Variants in DOCK3 observed in about 807,000 individuals in gnomAD.
DOCK3 encodes dedicator of cytokinesis 3, also known as dedicator of cytokinesis protein 3.
A neutral mutation model predicts 265.6 loss-of-function variants in DOCK3; 60 were observed. The observed-to-expected ratio is 0.23, with a 90% CI of 0.18 to 0.28. The LOEUF is 0.28. DOCK3 is among the 10% of genes least tolerant of loss of function. The probability of loss-of-function intolerance (pLI) is 1.00; values close to 1 mark genes in which losing one functional copy is unlikely to be tolerated. For missense variants in DOCK3, 1,981 were observed against 2,594.3 expected, an observed-to-expected ratio of 0.76 and a Z score of 5.14; for synonymous variants, 881 against 938.0, an observed-to-expected ratio of 0.94 and a Z score of 1.11.
chr3:51,290,417 C>G (rs1463016576), intron 27 of DOCK3, among the ~76,000 whole-genome samples: 4 of 152,070 alleles, frequency 2.6e-5, no homozygotes, highest in Non-Finnish European at 4.4e-5. Flanking sequence ...CCATCATTCT[C>G]AGCAAACTAT....
rs762181277 is a variant in DOCK3 at position 51,356,214 on chromosome 3, C to A, written c.4375C>A (p.Pro1459Thr). The A allele has an allele frequency of 6.2e-7, 1 of 1,613,970 alleles. No homozygotes were observed. Among genetic ancestry groups the A allele is most frequent in the Non-Finnish European group, 8.5e-7 (1 of 1,179,882 alleles). Residue 1459 changes from proline (P) to threonine (T), a missense_variant, in exon 42 of 53, where the codon CCT becomes ACT. Around this residue, in one of 4 missense-constraint regions of DOCK3, gnomAD observed 1,357 missense variants for 1,866.8 expected, o/e 0.73. Transcript: ENST00000266037. The part of the protein sequence containing the change: ...NNVRKFRYDR[P>T]FHKGPKDKEN... ...TGTGAGGAAGTTCCGGTATGACAGG[C>A]CTTTTCACAAAGGCCCCAAGGACAA... is the stretch of plus-strand genomic sequence containing the variant.
chr3:51,323,700 T>G (rs1379850177), intron 32 of DOCK3, among the ~76,000 whole-genome samples: 3 of 151,968 alleles, frequency 2.0e-5, no homozygotes, highest in African/African-American at 4.8e-5. Flanking sequence ...TAGAGGGAAA[T>G]TTATAGCACT....
Position 51,160,549 on chromosome 3 carries a change from C to T in DOCK3, c.890-6C>T. 1 of 1,604,988 alleles carries T rather than the reference C, an allele frequency of 6.2e-7. No homozygotes were observed. The highest frequency in any genetic ancestry group is 1.7e-5 in the Admixed American group (1 of 57,914). On this transcript the variant is annotated splice_region_variant and splice_polypyrimidine_tract_variant and intron_variant, in intron 11 of 52. Transcript: ENST00000266037. ...AGTCTGACTGGTGTTTTCTGCTGTG[C>T]CCAAGGCCGGATGCTCCTGAACGAC...
At chr3:50,773,310 T>C (rs752912631) in intron 1 of DOCK3, among the ~76,000 whole-genome samples, 5 of 152,150 alleles carry the variant, frequency 3.3e-5, no homozygotes, top group Non-Finnish European at 5.9e-5. Flanking sequence ...CCCTTAAATG[T>C]AAGACCTGAA....
intron 49 of DOCK3, among the ~76,000 whole-genome samples, chr3:51,366,440 G>C (rs2087177934): frequency 6.6e-6 from 1 of 152,086 alleles, no homozygotes; most frequent in Admixed American, 6.6e-5. Context: ...AAAAAAACCA[G>C]CTCCTGGATT....
intron 9 of DOCK3, among the ~76,000 whole-genome samples, chr3:51,104,717 C>G (rs1392364088): frequency 6.6e-6 from 1 of 152,050 alleles, no homozygotes; most frequent in African/African-American, 2.4e-5. Flanking sequence ...AATATATAAA[C>G]AACAATGAAG....
chr3:51,335,264 AAAAG>A (rs2084785463), intron 35 of DOCK3, among the ~76,000 whole-genome samples: 1 of 152,108 alleles, frequency 6.6e-6, no homozygotes, highest in Non-Finnish European at 1.5e-5. Context: ...AAGCCAAAAA[AAAAG>A]AAGAAGAAGT....
chr3:51,123,915 C>T (rs2084149050), intron 9 of DOCK3, among the ~76,000 whole-genome samples: 1 of 152,202 alleles, frequency 6.6e-6, no homozygotes, highest in African/African-American at 2.4e-5. Context: ...AAATAGCAGT[C>T]TCAGGCCTGC....
intron 3 of DOCK3, among the ~76,000 whole-genome samples, chr3:50,888,264 C>T (rs1368570118): frequency 5.9e-5 from 9 of 151,902 alleles, no homozygotes; most frequent in Admixed American, 4.6e-4. Flanking sequence ...TTCACAATTG[C>T]GTCAAAGAGA....
chr3:50,784,892 C>T (rs1009227005), intron 2 of DOCK3, among the ~76,000 whole-genome samples: 2 of 152,224 alleles, frequency 1.3e-5, no homozygotes, highest in East Asian at 1.9e-4. Flanking sequence ...CACGGTGGCT[C>T]ACGCCTATAA....
intron 9 of DOCK3, among the ~76,000 whole-genome samples, chr3:51,144,978 G>T (rs557534273): frequency 2.0e-5 from 3 of 152,176 alleles, no homozygotes; most frequent in African/African-American, 4.8e-5. Flanking sequence ...GAGATTCTGC[G>T]CAGGGGCAGG....
At chr3:51,375,930 A>G in intron 51 of DOCK3, 95 bp downstream of exon 51, 1 of 1,257,228 alleles carries the variant, frequency 8.0e-7, no homozygotes, top group South Asian at 1.2e-5. Flanking sequence ...GCTAAGCCAT[A>G]CTTCAACACT....
chr3:51,016,627 AAT>A lies in DOCK3; in HGVS notation c.316-47814_316-47813del, dbSNP rs1157703084. 4.7e-3 allele frequency among the ~76,000 whole-genome samples: 165 copies of A among 35,448 alleles called. 2 individuals carry two copies. Among genetic ancestry groups the A allele is most frequent in the African/African-American group, 0.018 (158 of 8,834 alleles). 23.3% of individuals were successfully genotyped at this position (35,448 alleles called of 152,430 possible). ...ATATATATTATATATTTATATATAT[AAT>A]ATATATGATATATATTTATATGTTT... On this transcript the variant is annotated intron_variant, in intron 5 of 52. Coordinates refer to ENST00000266037, the MANE Select transcript of DOCK3 (RefSeq NM_004947.5).
chr3:51,022,833 T>C (rs9284889), intron 5 of DOCK3, among the ~76,000 whole-genome samples: 152,063 of 152,338 alleles, frequency 1, 75,894 homozygotes, highest in Middle Eastern at 1. Flanking sequence ...TTTAAGTTTT[T>C]AATCTACCTT....
At chr3:51,178,181 A>G (rs764304841) in intron 12 of DOCK3, among the ~76,000 whole-genome samples, 2 of 152,228 alleles carry the variant, frequency 1.3e-5, no homozygotes, top group African/African-American at 2.4e-5. Context: ...AAAATAAAGT[A>G]TAAGGTGAAA....
At position 50,976,549 on chromosome 3, in the gene DOCK3, A is replaced by T. The variant is rs1332532254; in HGVS notation, c.315+42472A>T. On this transcript the variant is annotated intron_variant, in intron 5 of 52. Transcript: ENST00000266037. The stretch of plus-strand genomic sequence containing the variant: ...CTGTTCTTTTACATTTGCTGAGGAG[A>T]GCTTTACTTCCAAGTATTTGGTCAA... 6.1e-4 allele frequency among the ~76,000 whole-genome samples: 79 copies of T among 129,810 alleles called. 4 individuals carry two copies. The East Asian group carries it at 0.023, about 37-fold the overall frequency. 85.2% of individuals were successfully genotyped at this position (129,810 alleles called of 152,430 possible). A position where few individuals can be genotyped will look rare whatever the true frequency, so the allele number is the denominator to read the frequency against.
At chr3:51,273,026 G>A (rs1055887027) in intron 24 of DOCK3, among the ~76,000 whole-genome samples, 1 of 151,964 alleles carries the variant, frequency 6.6e-6, no homozygotes, top group African/African-American at 2.4e-5. Flanking sequence ...GCCAGGCATG[G>A]TGGTGGGCGC....
intron 7 of DOCK3, among the ~76,000 whole-genome samples, chr3:51,086,289 C>T (rs139199126): frequency 5.7e-4 from 86 of 152,202 alleles, no homozygotes; most frequent in African/African-American, 1.9e-3. Context: ...AGTGGTTTTC[C>T]ACCCTGGATG....
intron 51 of DOCK3, among the ~76,000 whole-genome samples, chr3:51,378,309 G>A (rs151071076): frequency 1.3e-5 from 2 of 152,310 alleles, no homozygotes; most frequent in African/African-American, 4.8e-5. Flanking sequence ...CAGTTCCTGC[G>A]CAATGAGGAA....
Sources: allele counts gnomAD v4.1 joint callset (sites outside exome capture counted in the v4.1 genomes callset), GRCh38; gene constraint gnomAD v4.1.1; regional missense constraint gnomAD v4.1.1; transcripts MANE v1.5; gene names NCBI Gene and HGNC (gene_info 2026-07-23, HGNC 2026-07-21).